Variants in PLA2G4E observed in about 807,000 individuals in gnomAD.
The protein encoded by PLA2G4E is cytosolic phospholipase A2 epsilon.
PLA2G4E carries 84 observed loss-of-function variants against 109.1 expected under a neutral mutation model. The ratio of observed to expected loss-of-function variants is 0.77; its 90% CI spans 0.65 to 0.92. PLA2G4E has a LOEUF of 0.92. Among genes scored for constraint, PLA2G4E ranks in the 40% least tolerant of loss-of-function variants. The pLI is 0.00. For synonymous variants in PLA2G4E, 469 were observed against 436.1 expected (o/e 1.08, Z -0.94); for missense variants, 1,057 against 1,076.6 (o/e 0.98, Z 0.25).
At chr15:42,018,505 T>C (rs997453363) in intron 1 of PLA2G4E, among the ~76,000 whole-genome samples, 5 of 152,054 alleles carry the variant, frequency 3.3e-5, no homozygotes, top group African/African-American at 1.2e-4. Flanking sequence ...TCATCCTTCA[T>C]GAGGGCATTG....
intron 1 of PLA2G4E, among the ~76,000 whole-genome samples, chr15:42,029,284 C>G (rs1889074972): frequency 6.6e-6 from 1 of 152,018 alleles, no homozygotes; most frequent in Admixed American, 6.6e-5. Flanking sequence ...TTTGTAGAGA[C>G]AGGGTTTTGC....
intron 2 of PLA2G4E, chr15:42,010,091 C>A: frequency 2.0e-6 from 1 of 509,390 alleles, no homozygotes; most frequent in African/African-American, 2.0e-5. Flanking sequence ...GGAACCTGCT[C>A]AGCCCTCTTG....
exon 17 of PLA2G4E, chr15:41,987,317 C>T (rs537850184): frequency 4.3e-6 from 7 of 1,613,954 alleles, no homozygotes; most frequent in African/African-American, 1.3e-5. Context: ...GGATCACTAC[C>T]GTGGTCTCCA....
At chr15:42,049,753 C>A (rs939223069) in intron 1 of PLA2G4E, among the ~76,000 whole-genome samples, 1 of 152,156 alleles carries the variant, frequency 6.6e-6, no homozygotes, top group Non-Finnish European at 1.5e-5. Flanking sequence ...TCACTCCCTG[C>A]AGAGCTCAGT....
intron 1 of PLA2G4E, among the ~76,000 whole-genome samples, chr15:42,040,652 T>A (rs1305467917): frequency 6.6e-6 from 1 of 152,212 alleles, no homozygotes; most frequent in East Asian, 1.9e-4. Context: ...TAAACTAAAA[T>A]CTCTTTCACA....
At chr15:42,014,066 A>G (rs986350508) in intron 1 of PLA2G4E, among the ~76,000 whole-genome samples, 7 of 151,600 alleles carry the variant, frequency 4.6e-5, no homozygotes, top group Admixed American at 4.6e-4. Flanking sequence ...AAATTTTTGT[A>G]GTTTTAGTTG....
At chr15:42,025,887 T>C (rs2068689564) in intron 1 of PLA2G4E, among the ~76,000 whole-genome samples, 1 of 152,176 alleles carries the variant, frequency 6.6e-6, no homozygotes, top group South Asian at 2.1e-4. Flanking sequence ...CCAGATAGCT[T>C]AAATATCTAA....
intron 1 of PLA2G4E, among the ~76,000 whole-genome samples, chr15:42,020,267 C>A (rs1009903308): frequency 2.6e-5 from 4 of 152,360 alleles, no homozygotes; most frequent in African/African-American, 7.2e-5. Context: ...GGAAGAAGTG[C>A]TGCCTTCGAG....
At chr15:41,994,449 C>A (rs2068305220) in intron 12 of PLA2G4E, among the ~76,000 whole-genome samples, 1 of 152,226 alleles carries the variant, frequency 6.6e-6, no homozygotes. Context: ...ACAGACAGGA[C>A]ACGGCCCTGC....
intron 9 of PLA2G4E, 76 bp from the exon 10 acceptor site, chr15:41,999,637 C>T: frequency 6.4e-7 from 1 of 1,551,338 alleles, no homozygotes; most frequent in Non-Finnish European, 8.8e-7. Flanking sequence ...CACTGTCCAC[C>T]CAGACCCCAC....
exon 4 of PLA2G4E, chr15:42,005,993 C>G: frequency 6.2e-7 from 1 of 1,613,632 alleles, no homozygotes; most frequent in Non-Finnish European, 8.5e-7. Context: ...CACCCACCTG[C>G]GGGTTGAGTG....
At chr15:42,000,257 G>T (rs746625680) in exon 8 of PLA2G4E, 1 of 1,575,174 alleles carries the variant, frequency 6.3e-7, no homozygotes, top group African/African-American at 1.4e-5. Context: ...CAAAGGATTC[G>T]TTCACCATCA....
intron 1 of PLA2G4E, among the ~76,000 whole-genome samples, chr15:42,016,934 C>T (rs1443612157): frequency 6.6e-6 from 1 of 152,244 alleles, no homozygotes; most frequent in Non-Finnish European, 1.5e-5. Context: ...TGGCCTCTGG[C>T]CAGACCTCCA....
chr15:41,981,863 C>T (rs2068072224), exon 20 of PLA2G4E: 1 of 152,124 alleles, frequency 6.6e-6, no homozygotes, highest in Admixed American at 6.5e-5. Context: ...GTCCAGAGCT[C>T]AGTTTATCAG....
chr15:41,992,777 TCTGTAAAGGTGACC>T lies in PLA2G4E; in HGVS notation c.1416_1429del (p.Val473LeufsTer16). On this transcript the variant is annotated frameshift_variant, in exon 13 of 20. Transcript: ENST00000399518. LOFTEE classifies it high-confidence loss of function. The stretch of plus-strand genomic sequence containing the variant: ...GGTCTCTATCAGCAGGCCCCAGAAG[TCTGTAAAGGTGACC>T]CTGTAGCCTTCCTGGCTGCGCTGCC... The T allele has an allele frequency of 6.2e-7, 1 of 1,613,050 alleles. No individual in the cohort carries two copies. Among genetic ancestry groups the T allele is most frequent in the East Asian group, 2.2e-5 (1 of 44,878 alleles).
intron 1 of PLA2G4E, among the ~76,000 whole-genome samples, chr15:42,029,873 G>A (rs530394031): frequency 3.3e-5 from 5 of 152,304 alleles, no homozygotes; most frequent in South Asian, 2.1e-4. Flanking sequence ...AGACATCATC[G>A]CTGCCCCAAG....
At chr15:42,026,575 G>A (rs960455308) in intron 1 of PLA2G4E, among the ~76,000 whole-genome samples, 9 of 152,326 alleles carry the variant, frequency 5.9e-5, no homozygotes, top group Admixed American at 4.6e-4. Flanking sequence ...AGTCACCATC[G>A]TGCTCTGCTG....
At chr15:42,043,403 G>T (rs1467390871) in intron 1 of PLA2G4E, among the ~76,000 whole-genome samples, 1 of 151,848 alleles carries the variant, frequency 6.6e-6, no homozygotes, top group African/African-American at 2.4e-5. Context: ...AGGACCTGTG[G>T]GTGGCCATCC....
At chr15:42,005,517 T>C (rs1048279755) in intron 4 of PLA2G4E, among the ~76,000 whole-genome samples, 1 of 140,254 alleles carries the variant, frequency 7.1e-6, no homozygotes, top group African/African-American at 2.9e-5. Flanking sequence ...GGCACTCAAA[T>C]GCTGGCAGAA....
Sources: gnomAD v4.1 joint callset for allele counts (sites outside exome capture counted in the v4.1 genomes callset) on GRCh38, gnomAD v4.1.1 for gene constraint, MANE v1.5 for transcripts, NCBI Gene and HGNC (gene_info 2026-07-23, HGNC 2026-07-21) for gene names.